The following MAPK11 variants were observed in gnomAD, a reference collection of about 807,000 sequenced individuals.
The protein encoded by MAPK11 is mitogen-activated protein kinase 11, also known as MAP kinase 11.
MAPK11 carries 44 observed loss-of-function variants against 52.2 expected under a neutral mutation model. The ratio of observed to expected loss-of-function variants is 0.84; its 90% CI spans 0.66 to 1.08. The LOEUF is 1.08. Ranked by LOEUF, MAPK11 falls within the 50% of genes least tolerant of loss-of-function variation. The pLI is 0.00. For missense variants in MAPK11, 436 were observed against 494.7 expected (o/e 0.88, Z 1.13); for synonymous variants, 233 against 206.3 (o/e 1.13, Z -1.11).
chr22:50,264,945 A>T lies in MAPK11; in HGVS notation c.*3T>A. The T allele has an allele frequency of 6.2e-7, 1 of 1,609,068 alleles. No individual in the cohort carries two copies. Among genetic ancestry groups the T allele is most frequent in the Non-Finnish European group, 8.5e-7 (1 of 1,178,092 alleles). ...AGGCTCTCAGGGGCTGCTGGGCAGC[A>T]CCTCACTGCTCAATCTCCAGGCTGC... On this transcript the variant is annotated 3_prime_UTR_variant, in exon 12 of 12. Coordinates refer to ENST00000330651, the MANE Select transcript of MAPK11 (RefSeq NM_002751.7).
At chr22:50,267,320 CG>C (rs1447931599) in intron 4 of MAPK11, 34 bp from the exon 5 acceptor site, 3 of 1,478,274 alleles carry the variant, frequency 2.0e-6, no homozygotes, top group Non-Finnish European at 2.8e-6. Flanking sequence ...GCGCCGGGCC[CG>C]GCCCGCCCGC....
At position 50,265,593 on chromosome 22, in the gene MAPK11, G is replaced by A; in HGVS notation, c.830C>T (p.Ala277Val). 1 of 1,611,924 alleles carries A rather than the reference G, an allele frequency of 6.2e-7. No individual in the cohort carries two copies. Among genetic ancestry groups the A allele is most frequent in the Non-Finnish European group, 8.5e-7 (1 of 1,179,434 alleles). The change falls in exon 10 of 12, where the codon GCC (alanine) becomes GTC (valine). Residue 277 changes from alanine to valine, a missense_variant. Physicochemically the swap from Ala to Val is moderately conservative, Grantham distance 64. Coordinates refer to ENST00000330651, the MANE Select transcript of MAPK11 (RefSeq NM_002751.7). ...AGGGCAGTCCTCACCCAGGGGGTTGGCTCCACGGAAGATGCTGCTCAGGTC... is the reference window on the plus strand; with the variant it reads ...AGGGCAGTCCTCACCCAGGGGGTTGACTCCACGGAAGATGCTGCTCAGGTC... ...QKDLSSIFRGANPLAIDLLGR... is the reference protein window; with the variant it reads ...QKDLSSIFRGVNPLAIDLLGR...
In MAPK11 at chr22:50,265,660, C is replaced by T; in HGVS notation, c.763G>A (p.Ala255Thr). 6.5e-7 allele frequency: 1 copy of T among 1,549,248 alleles called. No individual in the cohort carries two copies. Among genetic ancestry groups the T allele is most frequent in the Non-Finnish European group, 8.8e-7 (1 of 1,141,590 alleles). The change falls in exon 10 of 12, where the codon GCC becomes ACC. Residue 255 changes from alanine (A) to threonine (T), a missense_variant and splice_region_variant. Coordinates refer to ENST00000330651, the MANE Select transcript of MAPK11 (RefSeq NM_002751.7). The stretch of plus-strand genomic sequence containing the variant: ...GGCAGGGACTGGATATATGTCCGGG[C>T]CTGGGGGCACACAAGAACACCTGGG... ...EVLAKISSEHARTYIQSLPPM... is the reference protein window; with the variant it reads ...EVLAKISSEHTRTYIQSLPPM...
intron 1 of MAPK11, among the ~76,000 whole-genome samples, chr22:50,269,310 A>G (rs543945647): frequency 6.6e-6 from 1 of 151,944 alleles, no homozygotes; most frequent in East Asian, 2.0e-4. Context: ...CCTGAGCTCC[A>G]AATCTGGTGG....
At chr22:50,268,106 C>T (rs2065281301) in intron 1 of MAPK11, among the ~76,000 whole-genome samples, 157 bp from the exon 2 acceptor site, 1 of 152,224 alleles carries the variant, frequency 6.6e-6, no homozygotes, top group African/African-American at 2.4e-5. Context: ...CTCCCACCCT[C>T]GGGCCTACCC....
chr22:50,269,187 C>G (rs1200274496), intron 1 of MAPK11, among the ~76,000 whole-genome samples: 1 of 152,284 alleles, frequency 6.6e-6, no homozygotes, highest in Middle Eastern at 3.4e-3. Context: ...AAGAGGAAGA[C>G]AGATCTGTGC....
chr22:50,265,690 C>G (rs1009329139), intron 9 of MAPK11, 30 bp from the exon 10 acceptor site: 1 of 1,392,026 alleles, frequency 7.2e-7, no homozygotes, highest in Non-Finnish European at 9.9e-7. Context: ...CCTGGGGAGG[C>G]TGCTCACTCT....
At position 50,269,774 on chromosome 22, in the gene MAPK11, G is replaced by A. The variant is rs1021756187; in HGVS notation, c.116+403C>T. Among the ~76,000 whole-genome samples the A allele has an allele frequency of 1.1e-4, 16 of 152,148 alleles. 1 individual carries two copies. Among genetic ancestry groups the A allele is most frequent in the Admixed American group, 1.3e-4 (2 of 15,294 alleles). On this transcript the variant is annotated intron_variant, in intron 1 of 11. Transcript: ENST00000330651. ...ATAGCCCCCAGCCCGGGCGGGGGAG[G>A]GTCATCCGCTAGACCCCGGGGGGCT...
chr22:50,266,585 T>C lies in MAPK11; in HGVS notation c.637A>G (p.Met213Val). The C allele has an allele frequency of 1.3e-6, 2 of 1,524,848 alleles. No individual in the cohort carries two copies. The highest frequency in any genetic ancestry group is 1.8e-6 in the Non-Finnish European group (2 of 1,137,186). The allele number at this position is 1,524,848 out of a possible 1,614,324, so 94.5% of individuals were successfully genotyped here. A position where few individuals can be genotyped will look rare whatever the true frequency, so the allele number is the denominator to read the frequency against. ...GCCTTGCCCTGGAGCAGCTCAGCCA[T>C]GATGCAGCCCACGGACCAGATATCC... ...TVDIWSVGCI[M>V]AELLQGKALF... Residue 213 changes from methionine (M) to valine (V), a missense_variant, in exon 8 of 12, where the codon ATG becomes GTG. Physicochemically the swap from Met to Val is conservative, Grantham distance 21. Transcript: ENST00000330651.
intron 1 of MAPK11, among the ~76,000 whole-genome samples, chr22:50,269,756 C>T (rs1284008253): frequency 1.3e-5 from 2 of 152,204 alleles, no homozygotes; most frequent in Admixed American, 1.3e-4. Flanking sequence ...ACAATAGCCC[C>T]CAGCCCGGGC....
chr22:50,266,191 G>C (rs1364109892), intron 9 of MAPK11, 35 bp downstream of exon 9: 9 of 1,517,142 alleles, frequency 5.9e-6, no homozygotes, highest in African/African-American at 1.4e-5. Context: ...GCTCAGCCAG[G>C]AGAGGGAGCT....
At chr22:50,266,163 C>T in intron 9 of MAPK11, 63 bp downstream of exon 9, 1 of 1,361,604 alleles carries the variant, frequency 7.3e-7, no homozygotes, top group Non-Finnish European at 1.0e-6. Flanking sequence ...ACCACCCTCT[C>T]CCCCAGAGAG....
At chr22:50,268,380 G>A (rs2065283257) in intron 1 of MAPK11, among the ~76,000 whole-genome samples, 1 of 152,220 alleles carries the variant, frequency 6.6e-6, no homozygotes, top group South Asian at 2.1e-4. Flanking sequence ...CACAGAGGGG[G>A]ATTCTAGAGC....
At position 50,266,395 on chromosome 22, in the gene MAPK11, T is replaced by C; in HGVS notation, c.683-90A>G. The C allele has an allele frequency of 2.1e-6, 3 of 1,443,892 alleles. No individual in the cohort carries two copies. In the South Asian group the frequency reaches 3.8e-5, roughly 18 times the overall value. 89.4% of individuals were successfully genotyped at this position (1,443,892 alleles called of 1,614,324 possible). On this transcript the variant is annotated intron_variant, in intron 8 of 11. Coordinates refer to ENST00000330651, the MANE Select transcript of MAPK11 (RefSeq NM_002751.7). ...CTTTGGGGCGCTGCCCAGAGCCCGCTCTCCTATAGGTGAGGATGGCCAGCC... is the reference window on the plus strand; with the variant it reads ...CTTTGGGGCGCTGCCCAGAGCCCGCCCTCCTATAGGTGAGGATGGCCAGCC...
intron 7 of MAPK11, 40 bp downstream of exon 7, chr22:50,266,894 G>A (rs754981719): frequency 9.0e-6 from 14 of 1,562,656 alleles, no homozygotes; most frequent in South Asian, 6.7e-5. Context: ...GGCCAGACGA[G>A]GCCCTTGGCC....
rs201583127 is a variant in MAPK11, at chr22:50,264,079, C to T, written c.*869G>A. 2 of 130,320 alleles carry T rather than the reference C, an allele frequency of 1.5e-5. No individual in the cohort carries two copies. Among genetic ancestry groups the T allele is most frequent in the Non-Finnish European group, 3.1e-5 (2 of 64,520 alleles). The allele number at this position is 130,320 out of a possible 1,614,324, so 8.1% of individuals were successfully genotyped here. A position where few individuals can be genotyped will look rare whatever the true frequency, so the allele number is the denominator to read the frequency against. On this transcript the variant is annotated 3_prime_UTR_variant, in exon 12 of 12. Transcript: ENST00000330651. ...CCCACCCACCCCCAGCCTCAGGAAGCTGCTGTGGGTCCCACATCCAAGGAG... is the reference window on the plus strand; with the variant it reads ...CCCACCCACCCCCAGCCTCAGGAAGTTGCTGTGGGTCCCACATCCAAGGAG...
chr22:50,267,392 G>A lies in MAPK11; in HGVS notation c.396C>T (p.Tyr132=), dbSNP rs2066762. The change falls in exon 4 of 12, where the codon TAC becomes TAT. Residue 132 remains tyrosine (Y), a synonymous_variant. Transcript: ENST00000330651. ...CCACCTTCAGCCCGCGCAGCAGCTGGTAAACCAGGAATTGAACGTGCTCGT... is the reference window on the plus strand; with the variant it reads ...CCACCTTCAGCCCGCGCAGCAGCTGATAAACCAGGAATTGAACGTGCTCGT... ...LSDEHVQFLV[Y]QLLRGLKYIH... 8.3e-3 allele frequency: 13,388 copies of A among 1,610,688 alleles called. 498 individuals are homozygous for A. The African/African-American group carries it at 0.11, about 14-fold the overall frequency.
Position 50,270,352 on chromosome 22 carries a change from CCGA to C in MAPK11, c.-63_-61del. On this transcript the variant is annotated 5_prime_UTR_variant, in exon 1 of 12. Transcript: ENST00000330651. This position sits in a 1 kb window ranked among gnomAD's most constrained non-coding sequence, Gnocchi z 6.3. ...CCCGCGCCCCGCGCCCGCGCCCGAG[CCGA>C]GCCCGAGCCGAGCGGAGCGGAGGGC... The C allele has an allele frequency of 1.6e-6, 1 of 619,142 alleles. No homozygotes were observed. Among genetic ancestry groups the C allele is most frequent in the African/African-American group, 2.0e-5 (1 of 49,772 alleles). 38.4% of individuals were successfully genotyped at this position (619,142 alleles called of 1,614,324 possible). A position where few individuals can be genotyped will look rare whatever the true frequency, so the allele number is the denominator to read the frequency against.
In MAPK11 at chr22:50,267,499, G is replaced by A. The variant is rs1167258674; in HGVS notation, c.306-17C>T. ...ACCAAGTACCTGGGGCGGGGTCAGG[G>A]GGTCAGGACAGGGCCCCACCGCCCC... On this transcript the variant is annotated splice_polypyrimidine_tract_variant and intron_variant, in intron 3 of 11. Transcript: ENST00000330651. 1 of 1,591,996 alleles carries A rather than the reference G, an allele frequency of 6.3e-7. No homozygotes were observed. The highest frequency in any genetic ancestry group is 1.3e-5 in the African/African-American group (1 of 74,816).
Sources: gnomAD v4.1 joint callset for allele counts (sites outside exome capture counted in the v4.1 genomes callset) on GRCh38, gnomAD v4.1.1 for gene constraint, Gnocchi (gnomAD v3.1) non-coding constraint, MANE v1.5 for transcripts, NCBI Gene and HGNC (gene_info 2026-07-23, HGNC 2026-07-21) for gene names.